Variants in CSGALNACT1 observed in about 807,000 individuals in gnomAD.
CSGALNACT1 encodes chondroitin sulfate N-acetylgalactosaminyltransferase 1, also known as beta4GalNAcT-1.
CSGALNACT1 carries 52 observed loss-of-function variants against 51.0 expected under a neutral mutation model. The ratio of observed to expected loss-of-function variants is 1.02; its 90% CI spans 0.82 to 1.29. The LOEUF is 1.29. Ranked by LOEUF, CSGALNACT1 falls within the 50% of genes most tolerant of loss-of-function variation. The pLI, the probability that CSGALNACT1 is intolerant of heterozygous loss-of-function variation, is 0.00. For missense variants in CSGALNACT1, 935 were observed against 679.2 expected, an observed-to-expected ratio of 1.38 and a Z score of -4.19; for synonymous variants, 341 against 254.4, an observed-to-expected ratio of 1.34 and a Z score of -3.24.
chr8:19,730,511 T>C (rs901023451), intron 1 of CSGALNACT1, among the ~76,000 whole-genome samples: 14 of 152,208 alleles, frequency 9.2e-5, no homozygotes, highest in African/African-American at 2.9e-4. Context: ...AATGGACTTT[T>C]TCCAATAAAG....
At chr8:19,541,204 C>T (rs1028247608) in intron 3 of CSGALNACT1, among the ~76,000 whole-genome samples, 2 of 151,464 alleles carry the variant, frequency 1.3e-5, no homozygotes, top group Non-Finnish European at 2.9e-5. Context: ...CTCAGCCTCC[C>T]AAGTAGCTGG....
rs573969329 is a variant in CSGALNACT1, at chr8:19,463,248, T to C, written c.635-4606A>G. 3.3e-5 allele frequency among the ~76,000 whole-genome samples: 5 copies of C among 152,242 alleles called. No homozygotes were observed. In the South Asian group the frequency reaches 6.2e-4, roughly 19 times the overall value. ...CTGATGGGCATCTAGGTTGATTCTA[T>C]GGCTTCGCTATTGTGAATAGCACAA... On this transcript the variant is annotated intron_variant, in intron 4 of 9. Coordinates refer to ENST00000454498, the Ensembl canonical transcript of CSGALNACT1.
intron 1 of CSGALNACT1, among the ~76,000 whole-genome samples, chr8:19,649,920 G>A (rs2057649411): frequency 7.0e-6 from 1 of 143,516 alleles, no homozygotes; most frequent in Admixed American, 7.3e-5. Context: ...TTTCTGGTAG[G>A]GAATACATTC....
chr8:19,594,980 G>C (rs1355486720), intron 2 of CSGALNACT1, among the ~76,000 whole-genome samples: 2 of 152,184 alleles, frequency 1.3e-5, no homozygotes, highest in African/African-American at 4.8e-5. Context: ...TTTGATGATA[G>C]AAGTAGCCCT....
exon 7 of CSGALNACT1, chr8:19,420,451 C>G: frequency 6.2e-7 from 1 of 1,614,210 alleles, no homozygotes; most frequent in Non-Finnish European, 8.5e-7. Flanking sequence ...GCTCCAACAT[C>G]AAGTCCCTTT....
At chr8:19,564,625 T>C (rs1017640668) in intron 3 of CSGALNACT1, among the ~76,000 whole-genome samples, 1 of 152,198 alleles carries the variant, frequency 6.6e-6, no homozygotes, top group Admixed American at 6.5e-5. Context: ...ACCTGTGCAG[T>C]GCATCCACAG....
At chr8:19,409,450 G>T (rs2055145778) in intron 8 of CSGALNACT1, among the ~76,000 whole-genome samples, 1 of 151,802 alleles carries the variant, frequency 6.6e-6, no homozygotes. Context: ...CAATATATTT[G>T]CTGAAACAGC....
intron 1 of CSGALNACT1, among the ~76,000 whole-genome samples, chr8:19,670,548 C>T (rs1193008028): frequency 7.2e-6 from 1 of 138,610 alleles, no homozygotes; most frequent in Non-Finnish European, 1.5e-5. Context: ...TCTGAAGGGT[C>T]AGAAATGACA....
intron 1 of CSGALNACT1, among the ~76,000 whole-genome samples, chr8:19,625,394 G>A (rs1237437472): frequency 6.6e-6 from 1 of 152,198 alleles, no homozygotes; most frequent in African/African-American, 2.4e-5. Context: ...TATACATGAA[G>A]AAACTGAAGC....
chr8:19,467,894 G>T (rs950270419), intron 4 of CSGALNACT1, among the ~76,000 whole-genome samples: 1 of 152,188 alleles, frequency 6.6e-6, no homozygotes, highest in African/African-American at 2.4e-5. Flanking sequence ...GCTGAGGTAG[G>T]AGGATCACTT....
intron 6 of CSGALNACT1, among the ~76,000 whole-genome samples, chr8:19,429,617 C>G (rs2059341890): frequency 6.6e-6 from 1 of 152,210 alleles, no homozygotes; most frequent in Non-Finnish European, 1.5e-5. Context: ...TTTTGCTTTT[C>G]ATTCATCAGC....
chr8:19,666,313 C>T (rs1001930131), intron 1 of CSGALNACT1, among the ~76,000 whole-genome samples: 1 of 152,176 alleles, frequency 6.6e-6, no homozygotes, highest in African/African-American at 2.4e-5. Context: ...CAGACAAAAT[C>T]AAACAACTTG....
chr8:19,668,008 T>C (rs999321868), intron 1 of CSGALNACT1, among the ~76,000 whole-genome samples: 1 of 152,184 alleles, frequency 6.6e-6, no homozygotes, highest in Non-Finnish European at 1.5e-5. Context: ...ATTCAAATAT[T>C]AGAAGAAGCT....
chr8:19,552,734 A>G (rs886685366), intron 3 of CSGALNACT1, among the ~76,000 whole-genome samples: 1 of 152,242 alleles, frequency 6.6e-6, no homozygotes, highest in Non-Finnish European at 1.5e-5. Flanking sequence ...TGCACTGTTA[A>G]AAAGTATTAG....
intron 6 of CSGALNACT1, among the ~76,000 whole-genome samples, chr8:19,436,260 T>C (rs930044316): frequency 1.3e-5 from 2 of 152,236 alleles, no homozygotes; most frequent in Non-Finnish European, 2.9e-5. Flanking sequence ...AGTGTGACTA[T>C]AAATCTTACT....
intron 6 of CSGALNACT1, among the ~76,000 whole-genome samples, chr8:19,423,258 A>G (rs2058232002): frequency 6.6e-6 from 1 of 152,220 alleles, no homozygotes; most frequent in South Asian, 2.1e-4. Flanking sequence ...ATTTGTATAG[A>G]TAGGCCAAAT....
chr8:19,418,098 T>G (rs1314378667), intron 8 of CSGALNACT1, among the ~76,000 whole-genome samples: 2 of 152,134 alleles, frequency 1.3e-5, no homozygotes, highest in Non-Finnish European at 2.9e-5. Context: ...CAGTGACACC[T>G]TTAATGCTAA....
chr8:19,439,982 C>T, intron 5 of CSGALNACT1, 51 bp from the exon 5 acceptor site: 1 of 1,452,050 alleles, frequency 6.9e-7, no homozygotes, highest in Non-Finnish European at 9.7e-7. Context: ...CACTGACAGG[C>T]ACAGCACAAA....
chr8:19,522,696 C>A (rs191833075), intron 3 of CSGALNACT1, among the ~76,000 whole-genome samples: 1 of 152,218 alleles, frequency 6.6e-6, no homozygotes, highest in Non-Finnish European at 1.5e-5. Context: ...TGCAAAGTCA[C>A]TCTTCAAGTG....
Sources: gnomAD v4.1 joint callset for allele counts (sites outside exome capture counted in the v4.1 genomes callset) on GRCh38, gnomAD v4.1.1 for gene constraint, MANE v1.5 for transcripts, NCBI Gene and HGNC (gene_info 2026-07-23, HGNC 2026-07-21) for gene names.